Variants in CCDC149 observed in about 807,000 individuals in gnomAD.
CCDC149 encodes the protein coiled-coil domain-containing protein 149.
A neutral mutation model predicts 59.9 loss-of-function variants in CCDC149; 45 were observed. The observed-to-expected ratio is 0.75, with a 90% CI of 0.59 to 0.96. CCDC149 has a LOEUF of 0.96. Among genes scored for constraint, CCDC149 ranks in the 40% least tolerant of loss-of-function variants. CCDC149 has a pLI of 0.00. For missense variants in CCDC149, 584 were observed against 664.7 expected, an observed-to-expected ratio of 0.88 and a Z score of 1.33; for synonymous variants, 245 against 260.6, an observed-to-expected ratio of 0.94 and a Z score of 0.58.
chr4:24,905,353 T>G (rs1287534049), intron 1 of CCDC149, among the ~76,000 whole-genome samples: 1 of 152,110 alleles, frequency 6.6e-6, no homozygotes, highest in Non-Finnish European at 1.5e-5. Context: ...CCTACTCATT[T>G]TTTTCTTGAT....
chr4:24,888,511 T>A (rs1720333108), intron 1 of CCDC149, among the ~76,000 whole-genome samples: 1 of 152,156 alleles, frequency 6.6e-6, no homozygotes, highest in Non-Finnish European at 1.5e-5. Context: ...ATCACAGGGG[T>A]ATACACTCCT....
At chr4:24,899,597 A>G (rs1577465865) in intron 1 of CCDC149, among the ~76,000 whole-genome samples, 1 of 152,174 alleles carries the variant, frequency 6.6e-6, no homozygotes, top group African/African-American at 2.4e-5. Flanking sequence ...GGGAGACCCA[A>G]GTGAGTCGAA....
At chr4:24,897,580 G>A (rs1720913952) in intron 1 of CCDC149, among the ~76,000 whole-genome samples, 1 of 152,192 alleles carries the variant, frequency 6.6e-6, no homozygotes, top group Admixed American at 6.5e-5. Context: ...GTTGCTATGA[G>A]TTCTTTGTGA....
chr4:24,878,814 C>T (rs59532864), intron 1 of CCDC149, among the ~76,000 whole-genome samples: 15,104 of 152,266 alleles, frequency 0.099, 938 homozygotes, highest in Non-Finnish European at 0.13. Context: ...AGGTAAGGGC[C>T]GCTGCTGACT....
chr4:24,905,277 C>A (rs1035957736), intron 1 of CCDC149, among the ~76,000 whole-genome samples: 3 of 151,876 alleles, frequency 2.0e-5, no homozygotes, highest in African/African-American at 7.3e-5. Context: ...TTCTCCCAGT[C>A]TGTGACTCTT....
chr4:24,809,849 G>A (rs1372211134), intron 12 of CCDC149, among the ~76,000 whole-genome samples: 5 of 152,232 alleles, frequency 3.3e-5, no homozygotes, highest in Non-Finnish European at 7.3e-5. Context: ...TATGTTTTCA[G>A]GCTGTAAGTT....
chr4:24,958,015 C>T (rs914513534), intron 1 of CCDC149, among the ~76,000 whole-genome samples: 2 of 152,182 alleles, frequency 1.3e-5, no homozygotes, highest in African/African-American at 2.4e-5. Flanking sequence ...GCTGGTGCCT[C>T]AGCCAGTAGA....
Position 24,808,361 on chromosome 4 carries a change from G to T in CCDC149, c.*28C>A. 7.0e-7 allele frequency: 1 copy of T among 1,436,484 alleles called. No homozygotes were observed. Among genetic ancestry groups the T allele is most frequent in the Non-Finnish European group, 9.2e-7 (1 of 1,092,060 alleles). The allele number at this position is 1,436,484 out of a possible 1,614,324, so 89.0% of individuals were successfully genotyped here. On this transcript the variant is annotated 3_prime_UTR_variant, in exon 13 of 13. Coordinates refer to ENST00000635206, the MANE Select transcript of CCDC149 (RefSeq NM_001330643.2). ...CTTGACCCTCTCTGGGGCTTTCAAT[G>T]TGTCATTGTGTCAGATCCCTCTCCC...
At chr4:24,886,898 G>A (rs1720217498) in intron 1 of CCDC149, among the ~76,000 whole-genome samples, 1 of 152,022 alleles carries the variant, frequency 6.6e-6, no homozygotes. Context: ...AATAAGCTCA[G>A]TAAAATATGC....
At chr4:24,820,231 C>T (rs918970610) in intron 11 of CCDC149, 13 of 416,074 alleles carry the variant, frequency 3.1e-5, no homozygotes, top group Non-Finnish European at 4.7e-5. Flanking sequence ...TTTCTTTCCT[C>T]TCACTGCTTG....
chr4:24,866,811 ACACACACACACC>A (rs1361617640), intron 3 of CCDC149, among the ~76,000 whole-genome samples: 6 of 76,602 alleles, frequency 7.8e-5, no homozygotes, highest in Admixed American at 1.7e-4. Context: ...AAAAATATAC[ACACACACACACC>A]CACACACACA....
chr4:24,853,320 C>T (rs1008286245), intron 3 of CCDC149, 141 bp from the exon 4 acceptor site: 5 of 668,120 alleles, frequency 7.5e-6, no homozygotes, highest in Non-Finnish European at 1.3e-5. Context: ...TATATGAATG[C>T]AGCCAGTGTG....
At chr4:24,963,563 T>C (rs939463254) in intron 1 of CCDC149, among the ~76,000 whole-genome samples, 6 of 152,204 alleles carry the variant, frequency 3.9e-5, no homozygotes. Context: ...CTGGAGTCAG[T>C]GGACCCAATG....
intron 1 of CCDC149, among the ~76,000 whole-genome samples, chr4:24,877,716 T>C (rs1478774844): frequency 6.6e-6 from 1 of 152,194 alleles, no homozygotes; most frequent in African/African-American, 2.4e-5. Flanking sequence ...ACATTTTGAA[T>C]TCTCCCAAAC....
At chr4:24,951,968 C>G (rs187574829) in intron 1 of CCDC149, among the ~76,000 whole-genome samples, 1 of 152,198 alleles carries the variant, frequency 6.6e-6, no homozygotes, top group Non-Finnish European at 1.5e-5. Flanking sequence ...AAGGACGAGA[C>G]CTTTTCCTTT....
At chr4:24,879,684 CA>C (rs34829658) in intron 1 of CCDC149, among the ~76,000 whole-genome samples, 60,006 of 130,178 alleles carry the variant, frequency 0.46, 13,116 homozygotes, top group Non-Finnish European at 0.53. Flanking sequence ...GACTCCATCT[CA>C]AAAAAAAAAA....
chr4:24,871,812 C>A (rs1259953641), intron 3 of CCDC149, among the ~76,000 whole-genome samples: 2 of 152,200 alleles, frequency 1.3e-5, no homozygotes, highest in Non-Finnish European at 2.9e-5. Flanking sequence ...TGTAAGAATG[C>A]AGCTTAACAG....
chr4:24,921,650 C>A (rs1307215970), intron 1 of CCDC149, among the ~76,000 whole-genome samples: 1 of 152,232 alleles, frequency 6.6e-6, no homozygotes, highest in Non-Finnish European at 1.5e-5. Flanking sequence ...CCTGCCATCA[C>A]CCGCCAGCGC....
At chr4:24,951,539 T>C (rs1577502556) in intron 1 of CCDC149, among the ~76,000 whole-genome samples, 4 of 152,220 alleles carry the variant, frequency 2.6e-5, no homozygotes, top group South Asian at 2.1e-4. Flanking sequence ...AGCATTATTA[T>C]AGCTTTTCAT....
Sources: gnomAD v4.1 joint callset for allele counts (sites outside exome capture counted in the v4.1 genomes callset) on GRCh38, gnomAD v4.1.1 for gene constraint, MANE v1.5 for transcripts, NCBI Gene and HGNC (gene_info 2026-07-23, HGNC 2026-07-21) for gene names.